Variants in KDM2B observed in about 807,000 individuals in gnomAD.
The protein encoded by KDM2B is lysine-specific demethylase 2B.
In KDM2B, 26 loss-of-function variants were observed where a neutral mutation model predicts 150.0. The observed-to-expected ratio is 0.17, with a 90% CI of 0.13 to 0.24. The LOEUF (loss-of-function observed/expected upper bound fraction) is 0.24. KDM2B is among the 10% of genes least tolerant of loss of function. KDM2B has a pLI of 1.00. For synonymous variants in KDM2B, 734 were observed against 729.5 expected (o/e 1.01, Z -0.10); for missense variants, 1,265 against 1,816.9 (o/e 0.70, Z 5.52).
At position 121,509,995 on chromosome 12, in the gene KDM2B, A is replaced by G; in HGVS notation, c.1219T>C (p.Trp407Arg). 5 of 1,592,456 alleles carry G rather than the reference A, an allele frequency of 3.1e-6. No individual in the cohort carries two copies. The highest frequency in any genetic ancestry group is 4.3e-6 in the Non-Finnish European group (5 of 1,169,088). ...CAGGCCTCCTCCTCCATCTCCAGCC[A>G]GGAATCCGAAGAGAAGCCGTCTATG... ...PSIDGFSSDSWLEMEEEACDQ... is the reference protein window; with the variant it reads ...PSIDGFSSDSRLEMEEEACDQ... Residue 407 changes from tryptophan (W) to arginine (R), a missense_variant, in exon 11 of 23, where the codon TGG (tryptophan) becomes CGG (arginine). Physicochemically the swap from Trp to Arg is moderately radical, Grantham distance 101. Coordinates refer to ENST00000377071, the MANE Select transcript of KDM2B (RefSeq NM_032590.5).
At chr12:121,540,815 A>G (rs1299098201) in intron 6 of KDM2B, among the ~76,000 whole-genome samples, 1 of 151,866 alleles carries the variant, frequency 6.6e-6, no homozygotes, top group Non-Finnish European at 1.5e-5. Flanking sequence ...CCACATGGAC[A>G]AATATCTTGC....
At chr12:121,417,812 G>A in the KDM2B span, 47 of 1,613,948 alleles carry the variant, frequency 2.9e-5, no homozygotes, top group African/African-American at 1.2e-4. The surrounding 1 kb of genome is among the most constrained non-coding windows in gnomAD (Gnocchi z 5.0). Flanking sequence ...TTACACGTTC[G>A]TTTTTTTCAA....
chr12:121,421,383 A>C, the KDM2B span, among the ~76,000 whole-genome samples: 1,522 of 147,606 alleles, frequency 0.01, 41 homozygotes, highest in African/African-American at 0.036. Flanking sequence ...AAAAAAAAAA[A>C]AAAAAAAAAA....
intron 12 of KDM2B, among the ~76,000 whole-genome samples, chr12:121,487,302 T>C (rs1012023101): frequency 3.7e-4 from 57 of 152,192 alleles, no homozygotes; most frequent in Non-Finnish European, 7.8e-4. Flanking sequence ...CTGTGGGCAT[T>C]CGTTGATTGG....
chr12:121,513,545 G>A lies in KDM2B; in HGVS notation c.1048-143C>T. 1 of 915,364 alleles carries A rather than the reference G, an allele frequency of 1.1e-6. No individual in the cohort carries two copies. Among genetic ancestry groups the A allele is most frequent in the East Asian group, 2.6e-5 (1 of 38,538 alleles). The allele number at this position is 915,364 out of a possible 1,614,324, so 56.7% of individuals were successfully genotyped here. ...GAGCATGGATGGTCGGGGGAGAAAT[G>A]GTGGGGTGCTGGAAGGGAGATGCCG... On this transcript the variant is annotated intron_variant, in intron 9 of 22. Transcript: ENST00000377071. The surrounding 1 kb of genome is among the most constrained non-coding windows in gnomAD (Gnocchi z 5.0).
the KDM2B span, among the ~76,000 whole-genome samples, chr12:121,411,592 T>C: frequency 6.4e-4 from 97 of 152,348 alleles, no homozygotes; most frequent in South Asian, 0.014. Context: ...ATTTGAGATT[T>C]TTGGTTTTCT....
chr12:121,456,674 G>C (rs1183096852), intron 12 of KDM2B, among the ~76,000 whole-genome samples: 2 of 152,216 alleles, frequency 1.3e-5, no homozygotes, highest in Non-Finnish European at 1.5e-5. Flanking sequence ...GTCTGGGCAA[G>C]TAAAAACGTT....
At chr12:121,581,806 G>T (rs1213305613), upstream of KDM2B, among the ~76,000 whole-genome samples, 4 of 152,168 alleles carry the variant, frequency 2.6e-5, no homozygotes, top group African/African-American at 9.7e-5. Flanking sequence ...TGGGGAGGAC[G>T]TGGCTTCCCC....
intron 4 of KDM2B, among the ~76,000 whole-genome samples, chr12:121,571,309 GAA>G (rs1179609412): frequency 6.6e-6 from 1 of 151,902 alleles, no homozygotes; most frequent in African/African-American, 2.4e-5. Context: ...CTTTTTTTGG[GAA>G]AGAGTCTCAG....
chr12:121,538,438 G>A (rs782421523), intron 6 of KDM2B, among the ~76,000 whole-genome samples: 2 of 152,106 alleles, frequency 1.3e-5, no homozygotes, highest in African/African-American at 2.4e-5. Context: ...AGGCCCACGC[G>A]CTGTGTGACC....
intron 12 of KDM2B, among the ~76,000 whole-genome samples, chr12:121,476,819 A>G (rs1555296858): frequency 6.6e-6 from 1 of 152,140 alleles, no homozygotes; most frequent in African/African-American, 2.4e-5. Flanking sequence ...TCATAGATCC[A>G]TCAAGACACT....
chr12:121,549,547 G>C lies in KDM2B; in HGVS notation c.489C>G (p.Pro163=). 1 of 1,613,342 alleles carries C rather than the reference G, an allele frequency of 6.2e-7. No individual in the cohort carries two copies. The highest frequency in any genetic ancestry group is 8.5e-7 in the Non-Finnish European group (1 of 1,179,542). Reference sequence around the variant, plus strand: ...TGTACAGCTTGTCCCGCTGGGCCTCGGGCGTCTCGTAGTAACGCACAAACT... The same window carrying C: ...TGTACAGCTTGTCCCGCTGGGCCTCCGGCGTCTCGTAGTAACGCACAAACT... ...MSQFVRYYET[P]EAQRDKLYNV... Residue 163 remains proline (P), a synonymous_variant, in exon 5 of 23, where the codon CCC becomes CCG. Coordinates refer to ENST00000377071, the MANE Select transcript of KDM2B (RefSeq NM_032590.5). This position sits in a 1 kb window ranked among gnomAD's most constrained non-coding sequence, Gnocchi z 4.4.
rs188116360 is a variant in KDM2B at position 121,494,973 on chromosome 12, G to A, written c.1648-308C>T. Among the ~76,000 whole-genome samples the A allele has an allele frequency of 2.0e-4, 31 of 151,390 alleles. No homozygotes were observed. The East Asian group carries it at 5.0e-3, about 25-fold the overall frequency. ...ATGACATCTAGCACTTGTCCAGAGCGTCGGGGACTCACACACAAACTTTTT... is the reference window on the plus strand; with the variant it reads ...ATGACATCTAGCACTTGTCCAGAGCATCGGGGACTCACACACAAACTTTTT... On this transcript the variant is annotated intron_variant, in intron 11 of 22. Coordinates refer to ENST00000377071, the MANE Select transcript of KDM2B (RefSeq NM_032590.5).
intron 22 of KDM2B, among the ~76,000 whole-genome samples, chr12:121,436,293 G>A (rs184122741): frequency 1.1e-4 from 16 of 152,256 alleles, no homozygotes; most frequent in East Asian, 9.7e-4. Flanking sequence ...AGGCCGAGGC[G>A]GGCGGATCAC....
intron 12 of KDM2B, among the ~76,000 whole-genome samples, chr12:121,477,180 C>A (rs1475084787): frequency 3.3e-5 from 5 of 152,046 alleles, no homozygotes; most frequent in Admixed American, 6.6e-5. Flanking sequence ...CTCAAGCAAT[C>A]CCCCCATCTC....
chr12:121,486,424 C>G (rs1168295362), intron 12 of KDM2B, among the ~76,000 whole-genome samples: 1 of 146,902 alleles, frequency 6.8e-6, no homozygotes, highest in East Asian at 2.0e-4. Context: ...TGTGATCCAC[C>G]CACCTCAGCC....
intron 11 of KDM2B, among the ~76,000 whole-genome samples, chr12:121,507,504 A>G (rs1885196542): frequency 6.6e-6 from 1 of 152,206 alleles, no homozygotes; most frequent in Non-Finnish European, 1.5e-5. Context: ...GTGGGGAAGG[A>G]GGAAGTCTGC....
intron 12 of KDM2B, among the ~76,000 whole-genome samples, chr12:121,465,169 T>C (rs370977300): frequency 6.6e-6 from 1 of 152,114 alleles, no homozygotes; most frequent in African/African-American, 2.4e-5. Context: ...GCTTGACCAA[T>C]GTGAGAAGGA....
At chr12:121,455,945 C>G (rs1878165015) in intron 12 of KDM2B, among the ~76,000 whole-genome samples, 1 of 152,230 alleles carries the variant, frequency 6.6e-6, no homozygotes, top group Non-Finnish European at 1.5e-5. Flanking sequence ...GCCAACAGAG[C>G]AGCCAAGGCC....
Sources: allele counts gnomAD v4.1 joint callset (sites outside exome capture counted in the v4.1 genomes callset), GRCh38; gene constraint gnomAD v4.1.1; non-coding constraint Gnocchi (gnomAD v3.1); transcripts MANE v1.5; gene names NCBI Gene and HGNC (gene_info 2026-07-23, HGNC 2026-07-21).